Variants in SCRN1 observed in about 807,000 individuals in gnomAD.
The protein encoded by SCRN1 is secernin 1, also known as secernin-1.
Under a neutral mutation model 43.3 loss-of-function variants are expected in SCRN1, and 19 were observed. That is an observed-to-expected ratio of 0.44 (90% CI 0.31 to 0.64). The LOEUF (loss-of-function observed/expected upper bound fraction) is 0.64, where lower values mean the gene tolerates loss of function less well. Among genes scored for constraint, SCRN1 ranks in the 30% least tolerant of loss-of-function variants. The pLI is 0.09. For missense variants in SCRN1, 447 were observed against 524.1 expected (o/e 0.85, Z 1.44); for synonymous variants, 183 against 188.9 (o/e 0.97, Z 0.26).
At chr7:29,949,846 G>A (rs1787859722) in intron 3 of SCRN1, among the ~76,000 whole-genome samples, 1 of 147,608 alleles carries the variant, frequency 6.8e-6, no homozygotes, top group African/African-American at 2.5e-5. Flanking sequence ...GCTACAATTT[G>A]CATTTGTTTT....
chr7:29,945,491 T>C (rs974916620), intron 3 of SCRN1, among the ~76,000 whole-genome samples: 3 of 152,256 alleles, frequency 2.0e-5, no homozygotes, highest in Non-Finnish European at 4.4e-5. Flanking sequence ...TTCAGTTTTA[T>C]GTCATCTATA....
At chr7:29,934,244 T>C (rs1040093652) in intron 6 of SCRN1, among the ~76,000 whole-genome samples, 3 of 152,230 alleles carry the variant, frequency 2.0e-5, no homozygotes, top group Non-Finnish European at 4.4e-5. Context: ...TTAAAATTTT[T>C]TATTTTAACT....
At chr7:29,951,757 T>C (rs1562811816) in intron 3 of SCRN1, among the ~76,000 whole-genome samples, 1 of 152,228 alleles carries the variant, frequency 6.6e-6, no homozygotes, top group Non-Finnish European at 1.5e-5. Flanking sequence ...GCCTAATGCT[T>C]ACATTCCCAC....
Position 29,968,530 on chromosome 7 carries a change from A to G in SCRN1, c.159+379T>C, listed in dbSNP as rs570558076. Among the ~76,000 whole-genome samples the G allele has an allele frequency of 3.3e-5, 5 of 152,360 alleles. No homozygotes were observed. The South Asian group carries it at 8.3e-4, about 25-fold the overall frequency. On this transcript the variant is annotated intron_variant, in intron 2 of 7. Transcript: ENST00000242059. ...CATGTGTGTGTGATTTGTTACATAT[A>G]TATGTGTAATTTTGCAAATGGAAGG...
chr7:29,955,268 A>G lies in SCRN1; in HGVS notation c.252T>C (p.Asn84=), dbSNP rs139250700. The part of the protein sequence containing the change: ...AWLWGAEMGA[N]EHGVCIANEA... ...CATTGGCTATGCACACTCCATGTTCATTGGCTCCCATTTCTGCTCCCCAGA... is the reference window on the plus strand; with the variant it reads ...CATTGGCTATGCACACTCCATGTTCGTTGGCTCCCATTTCTGCTCCCCAGA... The change falls in exon 3 of 8, where the codon AAT becomes AAC. Residue 84 remains asparagine, a synonymous_variant. Transcript: ENST00000242059. 4.4e-4 allele frequency: 705 copies of G among 1,614,088 alleles called. No individual in the cohort carries two copies. Among genetic ancestry groups the G allele is most frequent in the Non-Finnish European group, 5.8e-4 (688 of 1,180,004 alleles).
rs768359884 is a variant in SCRN1 at position 29,940,813 on chromosome 7, T to C, written c.608A>G (p.Glu203Gly). Reference sequence around the variant, plus strand: ...TTGGCTCTGAGCGTAACTCCTGAGTTCCGGATGCTCTGCATCCATCTTAGT... The same window carrying C: ...TTGGCTCTGAGCGTAACTCCTGAGTCCCGGATGCTCTGCATCCATCTTAGT... Reference protein sequence around the residue: ...LTTKMDAEHPELRSYAQSQGW... With the variant: ...LTTKMDAEHPGLRSYAQSQGW... The change falls in exon 5 of 8, where the codon GAA becomes GGA. Residue 203 changes from glutamate to glycine, a missense_variant. Physicochemically the swap from Glu to Gly is moderately conservative, Grantham distance 98. Coordinates refer to ENST00000242059, the MANE Select transcript of SCRN1 (RefSeq NM_014766.5). 1.4e-5 allele frequency: 23 copies of C among 1,603,796 alleles called. No homozygotes were observed. The highest frequency in any genetic ancestry group is 1.7e-5 in the Non-Finnish European group (20 of 1,177,290).
intron 1 of SCRN1, among the ~76,000 whole-genome samples, chr7:29,982,130 C>A (rs1298053837): frequency 6.6e-6 from 1 of 152,154 alleles, no homozygotes; most frequent in Admixed American, 6.6e-5. Flanking sequence ...AAAAAATTGA[C>A]AAAGTGTTTC....
chr7:29,955,208 T>TA lies in SCRN1; in HGVS notation c.311dup (p.Glu105ArgfsTer20), dbSNP rs1788090829. On this transcript the variant is annotated frameshift_variant, in exon 3 of 8. Transcript: ENST00000242059. LOFTEE classifies it high-confidence loss of function. ...CCAGATCCATCCCCAGCAAGGCTTC[T>TA]ATCTCGGCAGCTGGCTCTCTGGTGT... is the stretch of plus-strand genomic sequence containing the variant. The TA allele has an allele frequency of 4.3e-6, 7 of 1,614,084 alleles. No individual in the cohort carries two copies. The highest frequency in any genetic ancestry group is 5.1e-6 in the Non-Finnish European group (6 of 1,180,030).
intron 1 of SCRN1, among the ~76,000 whole-genome samples, chr7:29,981,720 G>A (rs906590515): frequency 6.6e-6 from 1 of 152,176 alleles, no homozygotes; most frequent in African/African-American, 2.4e-5. Context: ...GGGAGCTTCT[G>A]AGGAAGGGAG....
At chr7:29,937,000 C>T (rs1386725444) in intron 5 of SCRN1, among the ~76,000 whole-genome samples, 1 of 152,106 alleles carries the variant, frequency 6.6e-6, no homozygotes, top group African/African-American at 2.4e-5. Flanking sequence ...GAGCTGAGAT[C>T]GCGTCACTGC....
In SCRN1 at chr7:29,920,879, TAAGA is replaced by T. The variant is rs1441718433; in HGVS notation, c.*3074_*3077del. ...GGCATATACCTGCTCTGTTAGTTTATAAGAAAGACTCGTTCTAATAACACCAGGT... is the reference window on the plus strand; with the variant it reads ...GGCATATACCTGCTCTGTTAGTTTATAAGACTCGTTCTAATAACACCAGGT... On this transcript the variant is annotated 3_prime_UTR_variant, in exon 8 of 8. Transcript: ENST00000242059. 1 of 152,244 alleles carries T rather than the reference TAAGA, an allele frequency of 6.6e-6. No individual in the cohort carries two copies. The highest frequency in any genetic ancestry group is 2.4e-5 in the African/African-American group (1 of 41,458). 9.4% of individuals were successfully genotyped at this position (152,244 alleles called of 1,614,324 possible).
intron 3 of SCRN1, among the ~76,000 whole-genome samples, chr7:29,953,764 A>T (rs1291051137): frequency 6.6e-6 from 1 of 152,172 alleles, no homozygotes; most frequent in East Asian, 1.9e-4. Flanking sequence ...ATCAGGTGGC[A>T]GAGGAGTGAG....
chr7:29,955,866 A>G (rs1462933474), intron 2 of SCRN1, among the ~76,000 whole-genome samples: 2 of 152,248 alleles, frequency 1.3e-5, no homozygotes, highest in Non-Finnish European at 2.9e-5. Context: ...CTCTAGTGGT[A>G]GAAAACAGAA....
chr7:29,925,925 A>G (rs1398999990), intron 7 of SCRN1, among the ~76,000 whole-genome samples: 2 of 152,146 alleles, frequency 1.3e-5, no homozygotes, highest in African/African-American at 4.8e-5. Flanking sequence ...ATGGTAAAAC[A>G]TATGTATTAT....
intron 1 of SCRN1, chr7:29,970,066 G>A (rs1283271743): frequency 2.1e-5 from 7 of 330,154 alleles, no homozygotes; most frequent in South Asian, 4.9e-5. Flanking sequence ...AATAACTTCC[G>A]GAGGGGTTGC....
chr7:29,938,664 A>G (rs1787425720), intron 5 of SCRN1, among the ~76,000 whole-genome samples: 1 of 152,274 alleles, frequency 6.6e-6, no homozygotes, highest in Non-Finnish European at 1.5e-5. Flanking sequence ...GCTGCAGATA[A>G]CTAGCCAGAC....
At chr7:29,938,757 T>A (rs946385143) in intron 5 of SCRN1, among the ~76,000 whole-genome samples, 1 of 152,230 alleles carries the variant, frequency 6.6e-6, no homozygotes, top group Non-Finnish European at 1.5e-5. Flanking sequence ...ACAATGCTTA[T>A]CACTGGCTTG....
chr7:29,962,602 T>A (rs1447229439), intron 2 of SCRN1, among the ~76,000 whole-genome samples: 5 of 152,050 alleles, frequency 3.3e-5, no homozygotes, highest in Non-Finnish European at 5.9e-5. Context: ...GCAGGAGAAT[T>A]GCTTGAACCC....
At chr7:29,924,244 A>G in intron 7 of SCRN1, 129 bp from the exon 8 acceptor site, 1 of 830,328 alleles carries the variant, frequency 1.2e-6, no homozygotes. Context: ...TCCGTTTCAC[A>G]CACGACTGCC....
Sources: gnomAD v4.1 joint callset for allele counts (sites outside exome capture counted in the v4.1 genomes callset) on GRCh38, gnomAD v4.1.1 for gene constraint, MANE v1.5 for transcripts, NCBI Gene and HGNC (gene_info 2026-07-23, HGNC 2026-07-21) for gene names.